The following GALNT13 variants were observed in gnomAD, a reference collection of about 807,000 sequenced individuals.
GALNT13 encodes UDP-GalNAc:polypeptide N-acetylgalactosaminyltransferase 13.
Under a neutral mutation model 64.2 loss-of-function variants are expected in GALNT13, and 28 were observed. The ratio of observed to expected loss-of-function variants is 0.44; its 90% CI spans 0.32 to 0.60. The LOEUF is 0.60. Among genes scored for constraint, GALNT13 ranks in the 20% least tolerant of loss-of-function variants. GALNT13 has a pLI of 0.05. For missense variants in GALNT13, 577 were observed against 669.8 expected, an observed-to-expected ratio of 0.86 and a Z score of 1.53; for synonymous variants, 214 against 224.6, an observed-to-expected ratio of 0.95 and a Z score of 0.42.
At chr2:153,757,090 G>A in the GALNT13 span, among the ~76,000 whole-genome samples, 4 of 152,056 alleles carry the variant, frequency 2.6e-5, no homozygotes, top group Non-Finnish European at 1.5e-5. Context: ...TGATTGAATT[G>A]AGCTAATTAA....
the GALNT13 span, among the ~76,000 whole-genome samples, chr2:153,277,921 TTCTTTC>T: frequency 1.3e-4 from 9 of 70,462 alleles, no homozygotes; most frequent in East Asian, 3.2e-4. Flanking sequence ...TTGTTTTCTT[TTCTTTC>T]TTTTTTTTTT....
chr2:154,042,843 C>T (rs948114364), intron 3 of GALNT13, among the ~76,000 whole-genome samples: 12 of 151,530 alleles, frequency 7.9e-5, no homozygotes, highest in African/African-American at 2.9e-4. Flanking sequence ...TACTATGTTC[C>T]AGAGACATAC....
the GALNT13 span, among the ~76,000 whole-genome samples, chr2:153,769,398 TA>T: frequency 6.6e-6 from 1 of 152,004 alleles, no homozygotes; most frequent in Non-Finnish European, 1.5e-5. Flanking sequence ...ACCCCAATGC[TA>T]AAAATGACCT....
At chr2:153,236,239 G>A in the GALNT13 span, among the ~76,000 whole-genome samples, 1 of 152,176 alleles carries the variant, frequency 6.6e-6, no homozygotes, top group African/African-American at 2.4e-5. Flanking sequence ...ACATAAAAGT[G>A]CAAGGTGAAG....
the GALNT13 span, among the ~76,000 whole-genome samples, chr2:153,647,006 A>C: frequency 1.3e-5 from 2 of 152,132 alleles, no homozygotes; most frequent in African/African-American, 4.8e-5. Context: ...GTCAAATGGT[A>C]TTTCTAGTTC....
the GALNT13 span, among the ~76,000 whole-genome samples, chr2:153,179,777 A>G: frequency 1.9e-3 from 292 of 152,230 alleles, 7 homozygotes; most frequent in East Asian, 0.051. Context: ...CCTTCCACAG[A>G]AAGTTTTTAA....
intron 3 of GALNT13, among the ~76,000 whole-genome samples, chr2:154,077,808 A>G (rs1701065185): frequency 1.3e-5 from 2 of 151,576 alleles, no homozygotes; most frequent in Non-Finnish European, 3.0e-5. Flanking sequence ...TGAAAGGTTA[A>G]GTAAATTATG....
At chr2:153,650,534 T>C in the GALNT13 span, among the ~76,000 whole-genome samples, 1 of 152,222 alleles carries the variant, frequency 6.6e-6, no homozygotes, top group Non-Finnish European at 1.5e-5. Context: ...TTTTGCTCTT[T>C]AGTTGATGCA....
chr2:154,446,623 C>G, intron 12 of GALNT13: 6 of 1,548,424 alleles, frequency 3.9e-6, no homozygotes, highest in Non-Finnish European at 5.2e-6. Flanking sequence ...AACAAAGTAG[C>G]TGATGGCTCC....
intron 2 of GALNT13, among the ~76,000 whole-genome samples, chr2:153,917,166 A>G (rs1417329582): frequency 6.6e-6 from 1 of 152,040 alleles, no homozygotes; most frequent in African/African-American, 2.4e-5. Flanking sequence ...TTGCCAAAAG[A>G]AATATCCTTG....
At chr2:154,354,664 A>G (rs1696626915) in intron 9 of GALNT13, among the ~76,000 whole-genome samples, 1 of 150,992 alleles carries the variant, frequency 6.6e-6, no homozygotes, top group Non-Finnish European at 1.5e-5. Flanking sequence ...AGCACCGTTT[A>G]TCGAAGAGAC....
the GALNT13 span, among the ~76,000 whole-genome samples, chr2:153,360,165 C>T: frequency 6.6e-6 from 1 of 152,166 alleles, no homozygotes; most frequent in Non-Finnish European, 1.5e-5. Flanking sequence ...TGGGGTATGA[C>T]AGCCCACCTG....
At chr2:153,910,912 G>A (rs1274657216) in intron 2 of GALNT13, among the ~76,000 whole-genome samples, 1 of 152,184 alleles carries the variant, frequency 6.6e-6, no homozygotes, top group Non-Finnish European at 1.5e-5. Context: ...TTTTTGGATG[G>A]AGAGTCCTAT....
chr2:154,319,382 T>C (rs907602663), intron 9 of GALNT13, among the ~76,000 whole-genome samples: 2 of 152,140 alleles, frequency 1.3e-5, no homozygotes, highest in African/African-American at 2.4e-5. Context: ...ATCCTTAATA[T>C]AGGCCAAGTG....
intron 8 of GALNT13, among the ~76,000 whole-genome samples, chr2:154,297,531 T>C (rs1425304266): frequency 6.6e-6 from 1 of 152,134 alleles, no homozygotes; most frequent in African/African-American, 2.4e-5. Context: ...AGCAAAAAGA[T>C]AGTCATCTAC....
At chr2:154,285,333 G>A (rs1207777373) in intron 8 of GALNT13, among the ~76,000 whole-genome samples, 1 of 152,060 alleles carries the variant, frequency 6.6e-6, no homozygotes. Flanking sequence ...TTTTATTTGA[G>A]TAACTTTACA....
chr2:154,225,324 A>G (rs1688561088), intron 4 of GALNT13, among the ~76,000 whole-genome samples: 2 of 152,094 alleles, frequency 1.3e-5, no homozygotes. Flanking sequence ...CAGTTTGCTG[A>G]AAACTTTAAA....
the GALNT13 span, among the ~76,000 whole-genome samples, chr2:153,547,345 A>T: frequency 6.6e-6 from 1 of 152,226 alleles, no homozygotes; most frequent in Admixed American, 6.5e-5. Flanking sequence ...TATTCTAAGG[A>T]GTTACTGCTG....
intron 9 of GALNT13, among the ~76,000 whole-genome samples, chr2:154,324,346 G>A (rs1341729058): frequency 6.6e-6 from 1 of 151,780 alleles, no homozygotes; most frequent in African/African-American, 2.4e-5. Flanking sequence ...CATGCAAAGG[G>A]TATAATTTTG....
Sources: allele counts gnomAD v4.1 joint callset (sites outside exome capture counted in the v4.1 genomes callset), GRCh38; gene constraint gnomAD v4.1.1; transcripts MANE v1.5; gene names NCBI Gene and HGNC (gene_info 2026-07-23, HGNC 2026-07-21).